The following ZNF91 variants were observed in gnomAD, a reference collection of about 807,000 sequenced individuals.
ZNF91 encodes the protein zinc finger protein 91.
In ZNF91, 7 loss-of-function variants were observed where a neutral mutation model predicts 12.6. The observed-to-expected ratio is 0.55, with a 90% CI of 0.31 to 1.04. The LOEUF (loss-of-function observed/expected upper bound fraction) is 1.04, where lower values mean the gene tolerates loss of function less well. Among genes scored for constraint, ZNF91 ranks in the 50% least tolerant of loss-of-function variants. The pLI is 0.05. For missense variants in ZNF91, 1,217 were observed against 1,385.4 expected (o/e 0.88, Z 1.93); for synonymous variants, 453 against 462.6 (o/e 0.98, Z 0.27).
Position 23,359,143 on chromosome 19 carries a change from T to A in ZNF91, c.*260A>T, listed in dbSNP as rs1406764366. The A allele has an allele frequency of 1.9e-6, 1 of 536,502 alleles. No individual in the cohort carries two copies. Among genetic ancestry groups the A allele is most frequent in the Non-Finnish European group, 3.5e-6 (1 of 286,026 alleles). 33.2% of individuals were successfully genotyped at this position (536,502 alleles called of 1,614,324 possible). ...GAGTTTTACTCCAGTATGAATTACC[T>A]TATGTTTAGTAAAGGTTGAAGACCG... On this transcript the variant is annotated 3_prime_UTR_variant, in exon 4 of 4. Coordinates refer to ENST00000300619, the MANE Select transcript of ZNF91 (RefSeq NM_003430.4).
chr19:23,352,247 T>C (rs1171029625), intron 3 of ZNF91, among the ~76,000 whole-genome samples: 1 of 152,010 alleles, frequency 6.6e-6, no homozygotes, highest in Non-Finnish European at 1.5e-5. Flanking sequence ...GGGAGCTGAG[T>C]GAGGCTTATG....
At position 23,362,044 on chromosome 19, in the gene ZNF91, T is replaced by C. The variant is rs766079918; in HGVS notation, c.935A>G (p.His312Arg). 41 of 1,613,886 alleles carry C rather than the reference T, an allele frequency of 2.5e-5. 1 individual carries two copies. Among genetic ancestry groups the C allele is most frequent in the Non-Finnish European group, 5.9e-6 (7 of 1,179,976 alleles). ...AFSHSSTLAK[H>R]KRIHTGEKPY... The stretch of plus-strand genomic sequence containing the variant: ...TTTCTCTCCAGTATGAATTCTCTTA[T>C]GTTTAGCAAGGGTTGAAGAATGGCT... The change falls in exon 4 of 4, where the codon CAT becomes CGT. Residue 312 changes from histidine to arginine, a missense_variant. Physicochemically the swap from His to Arg is conservative, Grantham distance 29 (BLOSUM62 0). Transcript: ENST00000300619.
chr19:23,324,706 T>C (rs1322043062), intron 1 of ZNF91: 2 of 151,986 alleles, frequency 1.3e-5, no homozygotes, highest in African/African-American at 4.8e-5. Context: ...CCCTCCCGAG[T>C]AGCTGGGACT....
intron 1 of ZNF91, among the ~76,000 whole-genome samples, chr19:23,389,358 G>A (rs747188394): frequency 8.6e-5 from 13 of 151,914 alleles, no homozygotes; most frequent in Admixed American, 1.3e-4. Context: ...GTCTGGAGGT[G>A]GGAATATGCC....
At chr19:23,334,241 T>C (rs137894257), downstream of ZNF91, among the ~76,000 whole-genome samples, 10 of 152,230 alleles carry the variant, frequency 6.6e-5, no homozygotes, top group South Asian at 2.1e-4. Flanking sequence ...GAATATAGTT[T>C]GGAAGTGTTG....
intron 1 of ZNF91, among the ~76,000 whole-genome samples, chr19:23,384,206 C>T (rs920772374): frequency 2.6e-5 from 4 of 152,136 alleles, no homozygotes; most frequent in Admixed American, 1.3e-4. Context: ...TCAGGAAAAC[C>T]GTAGAGACTT....
At chr19:23,335,667 G>C (rs190567904), downstream of ZNF91, among the ~76,000 whole-genome samples, 1 of 152,160 alleles carries the variant, frequency 6.6e-6, no homozygotes, top group South Asian at 2.1e-4. Flanking sequence ...TGCTAAGACC[G>C]TTGGAAAAGT....
At position 23,359,700 on chromosome 19, in the gene ZNF91, T is replaced by G; in HGVS notation, c.3279A>C (p.Leu1093=). The change falls in exon 4 of 4, where the codon CTA becomes CTC. Residue 1093 remains leucine (L), a synonymous_variant. Transcript: ENST00000300619. ...CGKAFSQSST[L]TRHKRLHTGE... ...CGGTGTGCAACCTCTTATGTCTAGT[T>G]AGGGTTGAAGATTGGCTAAATGCTT... is the stretch of plus-strand genomic sequence containing the variant. 6.2e-7 allele frequency: 1 copy of G among 1,613,550 alleles called. No homozygotes were observed. Among genetic ancestry groups the G allele is most frequent in the Admixed American group, 1.7e-5 (1 of 59,976 alleles).
At chr19:23,372,067 G>A (rs1969301408) in intron 3 of ZNF91, among the ~76,000 whole-genome samples, 1 of 152,118 alleles carries the variant, frequency 6.6e-6, no homozygotes, top group Non-Finnish European at 1.5e-5. Context: ...TGAAAATTCT[G>A]TAATTCCTAT....
downstream of ZNF91, among the ~76,000 whole-genome samples, chr19:23,355,680 G>C (rs1568378757): frequency 6.6e-6 from 1 of 152,134 alleles, no homozygotes; most frequent in South Asian, 2.1e-4. Context: ...CACACAGTGG[G>C]AGAAAATCTT....
chr19:23,306,990 C>T (rs1967407551), intron 3 of ZNF91: 1 of 152,178 alleles, frequency 6.6e-6, no homozygotes, highest in African/African-American at 2.4e-5. Flanking sequence ...AGCGTTTTGC[C>T]ATGTTGGCCA....
chr19:23,362,739 A>AG lies in ZNF91; in HGVS notation c.254-15_254-14insC. Reference sequence around the variant, plus strand: ...GAGGACATATACCTGAAAAAAAAAAACTAAAAATAATAAATTACTCCACTC... The same window carrying AG: ...GAGGACATATACCTGAAAAAAAAAAAGCTAAAAATAATAAATTACTCCACTC... On this transcript the variant is annotated splice_polypyrimidine_tract_variant and intron_variant, in intron 3 of 3. Transcript: ENST00000300619. 2 of 1,428,694 alleles carry AG rather than the reference A, an allele frequency of 1.4e-6. No homozygotes were observed. Among genetic ancestry groups the AG allele is most frequent in the Non-Finnish European group, 1.8e-6 (2 of 1,090,208 alleles). The allele number at this position is 1,428,694 out of a possible 1,614,324, so 88.5% of individuals were successfully genotyped here. A position where few individuals can be genotyped will look rare whatever the true frequency, so the allele number is the denominator to read the frequency against.
downstream of ZNF91, chr19:23,357,668 A>C (rs1459626713): frequency 6.6e-6 from 1 of 151,126 alleles, no homozygotes; most frequent in Non-Finnish European, 1.5e-5. Context: ...GAAAAAATTA[A>C]AAAAGATTTA....
chr19:23,311,553 C>G (rs1017730608), upstream of ZNF91, among the ~76,000 whole-genome samples: 1 of 151,896 alleles, frequency 6.6e-6, no homozygotes, highest in Non-Finnish European at 1.5e-5. Context: ...GGTATTGTGA[C>G]GTATTTTTGC....
intron 3 of ZNF91, among the ~76,000 whole-genome samples, chr19:23,371,694 G>T (rs897690360): frequency 2.6e-5 from 4 of 152,136 alleles, no homozygotes; most frequent in African/African-American, 7.2e-5. Flanking sequence ...CAAATAATTT[G>T]TCTAGAAAAC....
chr19:23,349,958 A>G (rs1236093672), intron 3 of ZNF91, among the ~76,000 whole-genome samples: 11 of 152,348 alleles, frequency 7.2e-5, no homozygotes, highest in African/African-American at 2.6e-4. Flanking sequence ...GACTGAGGAT[A>G]GTTCATGGGG....
rs765636840 is a variant in ZNF91 at position 23,360,639 on chromosome 19, T to C, written c.2340A>G (p.Ile780Met). ...TATGTCTAGTTAGGGTTGAAGACCA[T>C]ATAAATGCTTTGCCACATTCTTTAC... ...FKCKECGKAFIWSSTLTRHKR... is the reference protein window; with the variant it reads ...FKCKECGKAFMWSSTLTRHKR... Residue 780 changes from isoleucine to methionine, a missense_variant, in exon 4 of 4, where the codon ATA becomes ATG. Ile to Met is a conservative substitution (Grantham distance 10). Transcript: ENST00000300619. The C allele has an allele frequency of 1.2e-6, 2 of 1,613,216 alleles. No homozygotes were observed. The highest frequency in any genetic ancestry group is 2.2e-5 in the East Asian group (1 of 44,754).
At chr19:23,356,521 T>C (rs1285168442), downstream of ZNF91, among the ~76,000 whole-genome samples, 2 of 152,084 alleles carry the variant, frequency 1.3e-5, no homozygotes, top group East Asian at 1.9e-4. Context: ...CACTGATATG[T>C]GGGAGGTATG....
chr19:23,391,296 GAACTT>G (rs1487485509), intron 1 of ZNF91, among the ~76,000 whole-genome samples: 14 of 152,160 alleles, frequency 9.2e-5, no homozygotes, highest in Middle Eastern at 3.4e-3. Flanking sequence ...TAATCTAACT[GAACTT>G]AAGTTTATTT....
Sources: gnomAD v4.1 joint callset for allele counts (sites outside exome capture counted in the v4.1 genomes callset) on GRCh38, gnomAD v4.1.1 for gene constraint, MANE v1.5 for transcripts, NCBI Gene and HGNC (gene_info 2026-07-23, HGNC 2026-07-21) for gene names.